Variants in CFAP99 observed in about 807,000 individuals in gnomAD.
CFAP99 encodes cilia and flagella associated protein 99.
A neutral mutation model predicts 82.7 loss-of-function variants in CFAP99; 84 were observed. The observed-to-expected ratio is 1.02, with a 90% CI of 0.85 to 1.22. The LOEUF is 1.22. CFAP99 is among the 50% of genes most tolerant of loss of function. CFAP99 has a pLI of 0.00. For missense variants in CFAP99, 1,059 were observed against 983.5 expected (o/e 1.08, Z -1.03); for synonymous variants, 456 against 429.5 (o/e 1.06, Z -0.76).
In CFAP99 at chr4:2,462,183, A is replaced by G; in HGVS notation, c.1662-260A>G. 2.8e-6 allele frequency: 1 copy of G among 351,922 alleles called. No homozygotes were observed. Among genetic ancestry groups the G allele is most frequent in the African/African-American group, 2.1e-5 (1 of 47,104 alleles). 21.8% of individuals were successfully genotyped at this position (351,922 alleles called of 1,614,324 possible). ...AACAAACAAACAAACAACAACAACA[A>G]AAATTAAAGAAAAGAAAAAAAGAGC... is the stretch of plus-strand genomic sequence containing the variant. On this transcript the variant is annotated intron_variant, in intron 14 of 14. Transcript: ENST00000635017. The surrounding 1 kb of genome is among the most constrained non-coding windows in gnomAD (Gnocchi z 4.1).
chr4:2,452,721 T>C (rs1734334400), intron 11 of CFAP99, among the ~76,000 whole-genome samples: 1 of 152,198 alleles, frequency 6.6e-6, no homozygotes, highest in Non-Finnish European at 1.5e-5. Context: ...TGTGTCTGTA[T>C]TCAATTTTAA....
At position 2,455,096 on chromosome 4, in the gene CFAP99, C is replaced by T. The variant is rs551062892; in HGVS notation, c.1161+2750C>T. On this transcript the variant is annotated intron_variant, in intron 11 of 14. Coordinates refer to ENST00000635017, the Ensembl canonical transcript of CFAP99. Reference sequence around the variant, plus strand: ...CACCTTTTTAGGAGAGACACAGTTTCGCCATGTTGCCCAGGCTGGTCTCTA... The same window carrying T: ...CACCTTTTTAGGAGAGACACAGTTTTGCCATGTTGCCCAGGCTGGTCTCTA... 7.9e-5 allele frequency among the ~76,000 whole-genome samples: 12 copies of T among 152,340 alleles called. No homozygotes were observed. In the Middle Eastern group the frequency reaches 0.01, roughly 130 times the overall value.
intron 4 of CFAP99, 51 bp downstream of exon 4, chr4:2,438,215 C>T (rs1230292943): frequency 3.6e-5 from 37 of 1,029,746 alleles, no homozygotes; most frequent in Middle Eastern, 2.0e-4. Flanking sequence ...GGGTGAGGTC[C>T]GTCTGATCCT....
intron 10 of CFAP99, among the ~76,000 whole-genome samples, chr4:2,451,675 T>G (rs1734304283): frequency 6.6e-6 from 1 of 152,084 alleles, no homozygotes; most frequent in African/African-American, 2.4e-5. Context: ...CCACCAGGGC[T>G]GCAAACCCCT....
At chr4:2,439,358 G>C (rs1456403902) in intron 4 of CFAP99, among the ~76,000 whole-genome samples, 2 of 152,200 alleles carry the variant, frequency 1.3e-5, no homozygotes, top group East Asian at 1.9e-4. Flanking sequence ...CAGCCAAGGA[G>C]AGCCACTCCC....
intron 2 of CFAP99, 95 bp from the exon 3 acceptor site, chr4:2,436,779 C>T (rs781431087): frequency 2.3e-5 from 24 of 1,024,526 alleles, no homozygotes; most frequent in South Asian, 3.0e-5. Flanking sequence ...GCCCCGGGGC[C>T]GCTCCACCCC....
chr4:2,421,152 T>A (rs1353445051), intron 1 of CFAP99, among the ~76,000 whole-genome samples: 3 of 152,210 alleles, frequency 2.0e-5, no homozygotes, highest in Non-Finnish European at 4.4e-5. Context: ...GTAGCAACCC[T>A]TAGGAGACTG....
intron 2 of CFAP99, among the ~76,000 whole-genome samples, chr4:2,431,478 C>A (rs1400193730): frequency 6.6e-6 from 1 of 152,134 alleles, no homozygotes; most frequent in Non-Finnish European, 1.5e-5. Context: ...AGATATGTTA[C>A]AAACCACTGT....
chr4:2,459,220 C>T lies in CFAP99; in HGVS notation c.1417C>T (p.Gln473Ter). 6.5e-7 allele frequency: 1 copy of T among 1,535,638 alleles called. No homozygotes were observed. Among genetic ancestry groups the T allele is most frequent in the Middle Eastern group, 1.7e-4 (1 of 5,988 alleles). The stretch of plus-strand genomic sequence containing the variant: ...CTCCCAGCTGCGCGCACTCGAGACA[C>T]AGCCCACGCGCAAGGGCAAGCTCGT... The change falls in exon 13 of 15, where the codon CAG (glutamine) becomes TAG (stop). Residue 473 changes from glutamine to a stop codon, truncating the protein, a stop_gained. Coordinates refer to ENST00000635017, the Ensembl canonical transcript of CFAP99. LOFTEE classifies it high-confidence loss of function.
intron 4 of CFAP99, among the ~76,000 whole-genome samples, chr4:2,442,812 C>T (rs550780822): frequency 5.9e-5 from 9 of 152,310 alleles, no homozygotes; most frequent in African/African-American, 1.9e-4. Context: ...GCCTCCAGCA[C>T]CAGCATCAGA....
At chr4:2,452,696 T>G (rs1734334035) in intron 11 of CFAP99, among the ~76,000 whole-genome samples, 1 of 152,206 alleles carries the variant, frequency 6.6e-6, no homozygotes, top group Non-Finnish European at 1.5e-5. Context: ...GATTGCTTCT[T>G]TTGATAGTTT....
intron 14 of CFAP99, among the ~76,000 whole-genome samples, chr4:2,460,511 T>C (rs76153008): frequency 2.5e-4 from 38 of 152,328 alleles, no homozygotes; most frequent in South Asian, 8.3e-4. Flanking sequence ...CCTTTCACCA[T>C]ATGTGCTTCA....
chr4:2,442,307 A>T (rs1404380430), intron 4 of CFAP99, among the ~76,000 whole-genome samples: 1 of 150,856 alleles, frequency 6.6e-6, no homozygotes, highest in Non-Finnish European at 1.5e-5. Flanking sequence ...GGCCCCCTTG[A>T]GGGAGGAAGC....
intron 12 of CFAP99, 87 bp from the exon 13 acceptor site, chr4:2,459,020 G>C (rs1256073848): frequency 6.9e-7 from 1 of 1,449,508 alleles, no homozygotes; most frequent in Non-Finnish European, 9.1e-7. Context: ...CAGAGTCCTG[G>C]CTGGGGAACC....
exon 14 of CFAP99, chr4:2,460,039 C>G: frequency 2.0e-6 from 3 of 1,535,750 alleles, no homozygotes; most frequent in Non-Finnish European, 2.6e-6. Flanking sequence ...CCCCACAGAT[C>G]CCCGGCTACG....
intron 1 of CFAP99, 38 bp from the exon 2 acceptor site, chr4:2,426,421 C>T (rs1578462712): frequency 7.6e-6 from 10 of 1,309,172 alleles, no homozygotes; most frequent in Non-Finnish European, 1.1e-5. Flanking sequence ...GGCTACATCC[C>T]AGGTGTGGAG....
intron 13 of CFAP99, 122 bp downstream of exon 13, chr4:2,459,380 G>A (rs1734522480): frequency 3.3e-6 from 4 of 1,196,422 alleles, no homozygotes; most frequent in Admixed American, 2.9e-5. Flanking sequence ...CTGAAACCTG[G>A]CCCGCCACCC....
At chr4:2,425,790 C>G (rs1733670098) in intron 1 of CFAP99, among the ~76,000 whole-genome samples, 1 of 152,150 alleles carries the variant, frequency 6.6e-6, no homozygotes, top group Non-Finnish European at 1.5e-5. Context: ...CCCTAGGCAG[C>G]TTCTCCAAGG....
chr4:2,457,134 T>G (rs1734455484), intron 11 of CFAP99, among the ~76,000 whole-genome samples: 1 of 151,808 alleles, frequency 6.6e-6, no homozygotes, highest in Admixed American at 6.6e-5. Context: ...GTATTTTCTG[T>G]AGAGACGGGG....
Sources: allele counts gnomAD v4.1 joint callset (sites outside exome capture counted in the v4.1 genomes callset), GRCh38; gene constraint gnomAD v4.1.1; non-coding constraint Gnocchi (gnomAD v3.1); transcripts MANE v1.5; gene names NCBI Gene and HGNC (gene_info 2026-07-23, HGNC 2026-07-21).